Variants in ABCC8 observed in about 807,000 individuals in gnomAD.
The protein encoded by ABCC8 is ATP binding cassette subfamily C member 8.
A neutral mutation model predicts 188.0 loss-of-function variants in ABCC8; 137 were observed. That is an observed-to-expected ratio of 0.73 (90% confidence interval 0.63 to 0.84). ABCC8 has a LOEUF of 0.84. ABCC8 is among the 40% of genes least tolerant of loss of function. The pLI is 0.00. For missense variants in ABCC8, 1,750 were observed against 2,072.7 expected, an observed-to-expected ratio of 0.84 and a Z score of 3.02; for synonymous variants, 797 against 846.5, an observed-to-expected ratio of 0.94 and a Z score of 1.01.
At chr11:17,396,308 G>A (rs1033011195) in intron 33 of ABCC8, 2 of 385,958 alleles carry the variant, frequency 5.2e-6, no homozygotes, top group East Asian at 6.0e-5. Flanking sequence ...TGTGTGCCCC[G>A]CCCTACAATG....
chr11:17,428,374 G>C lies in ABCC8; in HGVS notation c.1955C>G (p.Ala652Gly). 6.2e-7 allele frequency: 1 copy of C among 1,614,102 alleles called. No homozygotes were observed. Among genetic ancestry groups the C allele is most frequent in the Non-Finnish European group, 8.5e-7 (1 of 1,179,986 alleles). The change falls in exon 14 of 39, where the codon GCC becomes GGC. Residue 652 changes from alanine to glycine, a missense_variant. By Grantham distance (60) the Ala-to-Gly change is moderately conservative. Transcript: ENST00000389817. ...PLRVVNRKRPAREDCRGLTGP... is the reference protein window; with the variant it reads ...PLRVVNRKRPGREDCRGLTGP... ...GGTGAGGCCCCGACAATCCTCCCGG[G>C]CTGGACGCTTGCGGTTCACAACCCT...
intron 23 of ABCC8, among the ~76,000 whole-genome samples, chr11:17,407,877 G>T (rs1280416581): frequency 1.3e-5 from 2 of 152,172 alleles, no homozygotes; most frequent in African/African-American, 4.8e-5. Flanking sequence ...TGGCAGAGTT[G>T]TTGAGCTGGG....
Position 17,476,616 on chromosome 11 carries a change from T to C in ABCC8, c.148+13A>G. The stretch of plus-strand genomic sequence containing the variant: ...TCCCGTCCCCTCCTCCGCGGCTCGC[T>C]GCGCGCACTCACCAATGAAGAGGAT... On this transcript the variant is annotated intron_variant, in intron 1 of 38. Coordinates refer to ENST00000389817, the MANE Select transcript of ABCC8 (RefSeq NM_000352.6). 6.2e-7 allele frequency: 1 copy of C among 1,610,038 alleles called. No homozygotes were observed. The highest frequency in any genetic ancestry group is 8.5e-7 in the Non-Finnish European group (1 of 1,178,408).
intron 16 of ABCC8, among the ~76,000 whole-genome samples, chr11:17,418,090 A>G (rs1228635413): frequency 6.6e-6 from 1 of 152,144 alleles, no homozygotes; most frequent in Non-Finnish European, 1.5e-5. Context: ...CAAAATAACC[A>G]TATGAAGGAG....
chr11:17,443,149 A>G, intron 9 of ABCC8, 29 bp downstream of exon 9: 1 of 1,612,980 alleles, frequency 6.2e-7, no homozygotes, highest in South Asian at 1.1e-5. Flanking sequence ...GGGAAGAGGG[A>G]CAAAACACAC....
At chr11:17,447,573 G>A (rs1368102565) in intron 8 of ABCC8, among the ~76,000 whole-genome samples, 10 of 151,988 alleles carry the variant, frequency 6.6e-5, no homozygotes, top group African/African-American at 1.9e-4. Context: ...CTAAAGGGGC[G>A]CACCACCACA....
At chr11:17,395,794 G>A (rs1953890531) in intron 34 of ABCC8, 58 bp downstream of exon 34, 1 of 1,554,110 alleles carries the variant, frequency 6.4e-7, no homozygotes, top group Admixed American at 2.0e-5. Context: ...CACGTGCCAG[G>A]GCTGAGGCCT....
intron 36 of ABCC8, 60 bp from the exon 37 acceptor site, chr11:17,394,459 A>G (rs1591706164): frequency 6.2e-7 from 1 of 1,612,846 alleles, no homozygotes; most frequent in East Asian, 2.2e-5. Context: ...TGAGTGGAGC[A>G]GATGGGATGG....
In ABCC8 at chr11:17,448,692, T is replaced by A. The variant is rs1027144989; in HGVS notation, c.1177-21A>T. ...TTGGTCTAGAAATGAGAGCAGAGTG[T>A]TTCACATTCATCATCATTCTCATCA... On this transcript the variant is annotated intron_variant, in intron 7 of 38. Coordinates refer to ENST00000389817, the MANE Select transcript of ABCC8 (RefSeq NM_000352.6). 5.0e-6 allele frequency: 8 copies of A among 1,613,920 alleles called. No homozygotes were observed. The African/African-American group carries it at 1.1e-4, about 22-fold the overall frequency.
At chr11:17,438,382 G>GCATA (rs3831596) in intron 10 of ABCC8, among the ~76,000 whole-genome samples, 4 of 151,438 alleles carry the variant, frequency 2.6e-5, no homozygotes, top group African/African-American at 9.7e-5. Flanking sequence ...CTGACCACAT[G>GCATA]GTCACTATTC....
At position 17,394,263 on chromosome 11, in the gene ABCC8, A is replaced by C; in HGVS notation, c.4545+3T>G. The stretch of plus-strand genomic sequence containing the variant: ...TGGTCCCATGGAGGGGCCCAGGACC[A>C]ACCGTGGCCATGTCAATGGAAGCCG... On this transcript the variant is annotated splice_donor_region_variant and intron_variant, in intron 37 of 38. Coordinates refer to ENST00000389817, the MANE Select transcript of ABCC8 (RefSeq NM_000352.6). 6.2e-7 allele frequency: 1 copy of C among 1,613,762 alleles called. No homozygotes were observed. The highest frequency in any genetic ancestry group is 1.1e-5 in the South Asian group (1 of 91,076).
At position 17,442,710 on chromosome 11, in the gene ABCC8, G is replaced by A. The variant is rs188075767; in HGVS notation, c.1630+10C>T. ...CAGCACCCAGGGCTGGCTGTGTGGG[G>A]TGAACTCACTGGAGATGGAGGTATA... is the stretch of plus-strand genomic sequence containing the variant. On this transcript the variant is annotated intron_variant, in intron 10 of 38. Transcript: ENST00000389817. 215 of 1,613,036 alleles carry A rather than the reference G, an allele frequency of 1.3e-4. 1 individual carries two copies. In the African/African-American group the frequency reaches 2.6e-3, roughly 20 times the overall value.
chr11:17,410,695 G>T (rs764542419), intron 21 of ABCC8, 42 bp from the exon 22 acceptor site: 5 of 1,612,086 alleles, frequency 3.1e-6, no homozygotes. Flanking sequence ...GTAGGGAAAG[G>T]CATGGTGGGG....
chr11:17,414,799 A>C, intron 18 of ABCC8, 189 bp from the exon 19 acceptor site: 3 of 671,790 alleles, frequency 4.5e-6, no homozygotes, highest in South Asian at 6.7e-5. Context: ...TCTGGGTCTC[A>C]ACTGACTGGG....
chr11:17,427,262 C>G lies in ABCC8; in HGVS notation c.2117-108G>C, dbSNP rs754159731. On this transcript the variant is annotated intron_variant, in intron 15 of 38. Coordinates refer to ENST00000389817, the MANE Select transcript of ABCC8 (RefSeq NM_000352.6). This position sits in a 1 kb window ranked among gnomAD's most constrained non-coding sequence, Gnocchi z 5.0. ...CACCCAACCCTGGGGCCCCTGTTTT[C>G]TTTCTTCCTACCTAGAATCCCCAGC... The G allele has an allele frequency of 7.2e-5, 99 of 1,379,100 alleles. No individual in the cohort carries two copies. The highest frequency in any genetic ancestry group is 8.7e-5 in the Non-Finnish European group (93 of 1,067,968). The allele number at this position is 1,379,100 out of a possible 1,614,324, so 85.4% of individuals were successfully genotyped here.
At chr11:17,424,958 C>G (rs571196026) in intron 16 of ABCC8, among the ~76,000 whole-genome samples, 1 of 152,314 alleles carries the variant, frequency 6.6e-6, no homozygotes, top group South Asian at 2.1e-4. Flanking sequence ...ATGCACTTAG[C>G]AAAGGGCATG....
At position 17,404,394 on chromosome 11, in the gene ABCC8, T is replaced by C; in HGVS notation, c.3557+118A>G. On this transcript the variant is annotated intron_variant, in intron 28 of 38. Coordinates refer to ENST00000389817, the MANE Select transcript of ABCC8 (RefSeq NM_000352.6). This position sits in a 1 kb window ranked among gnomAD's most constrained non-coding sequence, Gnocchi z 4.7. ...ATTTCTATTTCCTTCATTTCTGTTT[T>C]TTGTTTTTATTTTTTGGAGGGAACA... 1 of 1,003,384 alleles carries C rather than the reference T, an allele frequency of 1.0e-6. No individual in the cohort carries two copies. The highest frequency in any genetic ancestry group is 1.5e-6 in the Non-Finnish European group (1 of 677,214). The allele number at this position is 1,003,384 out of a possible 1,614,324, so 62.2% of individuals were successfully genotyped here.
At chr11:17,454,192 C>A (rs1591865753) in intron 6 of ABCC8, among the ~76,000 whole-genome samples, 1 of 152,106 alleles carries the variant, frequency 6.6e-6, no homozygotes. Flanking sequence ...TTTGAGGGCA[C>A]ATCCACAATC....
At chr11:17,429,164 CT>C (rs1955734357) in intron 12 of ABCC8, 1 of 165,794 alleles carries the variant, frequency 6.0e-6, no homozygotes. Context: ...ACCCTCTCCC[CT>C]GTCCAGATTT....
Sources: allele counts gnomAD v4.1 joint callset (sites outside exome capture counted in the v4.1 genomes callset), GRCh38; gene constraint gnomAD v4.1.1; non-coding constraint Gnocchi (gnomAD v3.1); transcripts MANE v1.5; gene names NCBI Gene and HGNC (gene_info 2026-07-23, HGNC 2026-07-21).